FOXP2: variants seen among roughly 807,000 people sequenced by gnomAD.
FOXP2 encodes forkhead box protein P2.
Under a neutral mutation model 115.8 loss-of-function variants are expected in FOXP2, and 12 were observed. The observed-to-expected ratio is 0.10, with a 90% CI of 0.07 to 0.17. FOXP2 has a LOEUF of 0.17. FOXP2 is among the 10% of genes least tolerant of loss of function. FOXP2 has a pLI of 1.00. For synonymous variants in FOXP2, 328 were observed against 297.7 expected (o/e 1.10, Z -1.05); for missense variants, 629 against 843.5 (o/e 0.75, Z 3.15).
chr7:114,691,929 CAAAAAAAAAAAAAGA>C lies in FOXP2; in HGVS notation c.*2016_*2030del. 3 of 250,938 alleles carry C rather than the reference CAAAAAAAAAAAAAGA, an allele frequency of 1.2e-5. No homozygotes were observed. Among genetic ancestry groups the C allele is most frequent in the Non-Finnish European group, 7.2e-6 (1 of 138,916 alleles). 15.5% of individuals were successfully genotyped at this position (250,938 alleles called of 1,614,324 possible). The stretch of plus-strand genomic sequence containing the variant: ...GGCTTTCTGAAAGCTTCTACCTCTG[CAAAAAAAAAAAAAGA>C]AAAAAAAAAAAAGAAAAACATTAGA... On this transcript the variant is annotated 3_prime_UTR_variant, in exon 17 of 17. Coordinates refer to ENST00000350908, the MANE Select transcript of FOXP2 (RefSeq NM_014491.4).
intron 3 of FOXP2, among the ~76,000 whole-genome samples, chr7:114,606,913 C>A (rs990181981): frequency 2.0e-5 from 3 of 152,082 alleles, no homozygotes; most frequent in African/African-American, 7.2e-5. Flanking sequence ...TGTACTGTTG[C>A]CCCATTTTAT....
chr7:114,158,111 GA>G (rs371516727), upstream of FOXP2, among the ~76,000 whole-genome samples: 236 of 152,172 alleles, frequency 1.6e-3, 1 homozygote, highest in African/African-American at 5.1e-3. Context: ...AAAAGAGGAT[GA>G]AAAATTGCAT....
At chr7:114,172,676 T>C (rs940875703) in intron 1 of FOXP2, among the ~76,000 whole-genome samples, 1 of 152,086 alleles carries the variant, frequency 6.6e-6, no homozygotes, top group African/African-American at 2.4e-5. Context: ...TACTTTAAAG[T>C]CTATTAATTA....
At chr7:114,202,364 A>G (rs1794089874) in intron 1 of FOXP2, among the ~76,000 whole-genome samples, 1 of 152,204 alleles carries the variant, frequency 6.6e-6, no homozygotes, top group African/African-American at 2.4e-5. Context: ...CTTATAAGGC[A>G]TGGATTTAAA....
At position 114,371,401 on chromosome 7, in the gene FOXP2, C is replaced by T. The variant is rs1372401522; in HGVS notation, c.-10-55101C>T. Among the ~76,000 whole-genome samples, 3 of 151,936 alleles carry T rather than the reference C, an allele frequency of 2.0e-5. No homozygotes were observed. In the East Asian group the frequency reaches 5.8e-4, roughly 29 times the overall value. On this transcript the variant is annotated intron_variant, in intron 2 of 17. Coordinates refer to the FOXP2 transcript ENST00000634411. ...GCACCTGGCCAACAACTTAATACTTCTGTTTTAAGGTAGATGATACATCTT... is the reference window on the plus strand; with the variant it reads ...GCACCTGGCCAACAACTTAATACTTTTGTTTTAAGGTAGATGATACATCTT...
chr7:114,584,031 C>T (rs998853332), intron 3 of FOXP2, among the ~76,000 whole-genome samples: 2 of 152,046 alleles, frequency 1.3e-5, no homozygotes, highest in Admixed American at 1.3e-4. Flanking sequence ...CAACTCTTTG[C>T]AATAATTTTT....
chr7:114,319,544 G>A (rs1797360955), intron 2 of FOXP2, among the ~76,000 whole-genome samples: 1 of 152,144 alleles, frequency 6.6e-6, no homozygotes, highest in Non-Finnish European at 1.5e-5. Context: ...ATGGCAGCAG[G>A]CAAAGAGAGA....
chr7:114,682,402 T>C (rs1015049624), intron 16 of FOXP2, among the ~76,000 whole-genome samples: 7 of 152,174 alleles, frequency 4.6e-5, no homozygotes, highest in African/African-American at 1.7e-4. Context: ...CTGTAGATAA[T>C]TCTACATGGG....
intron 1 of FOXP2, among the ~76,000 whole-genome samples, chr7:114,274,585 G>GT (rs1376168070): frequency 2.6e-5 from 2 of 77,454 alleles, no homozygotes; most frequent in Non-Finnish European, 5.7e-5. Context: ...TTCTGGATTG[G>GT]TTTTTTCCCT....
intron 1 of FOXP2, among the ~76,000 whole-genome samples, chr7:114,155,496 G>GA (rs879635862): frequency 2.6e-5 from 4 of 152,112 alleles, no homozygotes; most frequent in Non-Finnish European, 5.9e-5. Context: ...AATGGCCCTG[G>GA]AAAGCTGTCT....
At chr7:114,224,846 C>T (rs1794709111) in intron 1 of FOXP2, among the ~76,000 whole-genome samples, 1 of 152,018 alleles carries the variant, frequency 6.6e-6, no homozygotes, top group African/African-American at 2.4e-5. Flanking sequence ...GGAGTATTAC[C>T]AATGTTTTTG....
chr7:114,132,613 G>GAC (rs2129145563), intron 1 of FOXP2, among the ~76,000 whole-genome samples: 1 of 150,336 alleles, frequency 6.7e-6, no homozygotes, highest in African/African-American at 2.4e-5. Flanking sequence ...GAGAGAGAGA[G>GAC]AGATGGGGTG....
At chr7:114,180,073 A>C (rs1302122517) in intron 1 of FOXP2, among the ~76,000 whole-genome samples, 1 of 151,972 alleles carries the variant, frequency 6.6e-6, no homozygotes, top group Admixed American at 6.6e-5. Flanking sequence ...ATGTTGGTCT[A>C]CCTTAGTGGA....
At chr7:114,227,362 T>C (rs1794769324) in intron 1 of FOXP2, among the ~76,000 whole-genome samples, 1 of 152,080 alleles carries the variant, frequency 6.6e-6, no homozygotes, top group South Asian at 2.1e-4. Context: ...GAAAGTTTTA[T>C]GCTTGGAGCA....
At chr7:114,415,709 CT>C (rs1793308405) in intron 1 of FOXP2, among the ~76,000 whole-genome samples, 4 of 151,838 alleles carry the variant, frequency 2.6e-5, no homozygotes, top group Non-Finnish European at 4.4e-5. Flanking sequence ...TGTCATCTTG[CT>C]TTTAGTAAAT....
chr7:114,534,050 A>G (rs923129788), intron 2 of FOXP2, among the ~76,000 whole-genome samples: 11 of 152,014 alleles, frequency 7.2e-5, no homozygotes, highest in African/African-American at 1.2e-4. Flanking sequence ...AATGAAAACC[A>G]CTCAATTTTA....
chr7:114,138,107 A>G lies in FOXP2; in HGVS notation c.-246-24837A>G, dbSNP rs1010213911. Among the ~76,000 whole-genome samples, 4 of 152,182 alleles carry G rather than the reference A, an allele frequency of 2.6e-5. 1 individual carries two copies. The highest frequency in any genetic ancestry group is 1.3e-4 in the Admixed American group (2 of 15,280). On this transcript the variant is annotated intron_variant, in intron 1 of 19. Transcript: ENST00000635638. ...CATATTAAATACATAAATAAATAAGATAGAATAGACAAATTTCCTATACAG... is the reference window on the plus strand; with the variant it reads ...CATATTAAATACATAAATAAATAAGGTAGAATAGACAAATTTCCTATACAG...
chr7:114,114,183 A>G (rs1364162721), intron 1 of FOXP2, among the ~76,000 whole-genome samples: 4 of 151,712 alleles, frequency 2.6e-5, no homozygotes, highest in Non-Finnish European at 5.9e-5. Context: ...GGCATTTAAA[A>G]CAAAATGTAA....
intron 1 of FOXP2, among the ~76,000 whole-genome samples, chr7:114,258,072 G>A (rs1008048400): frequency 2.0e-5 from 3 of 152,150 alleles, no homozygotes; most frequent in African/African-American, 7.2e-5. Flanking sequence ...TCTTGTTTCT[G>A]TTTTAACATA....
Sources: allele counts gnomAD v4.1 joint callset (sites outside exome capture counted in the v4.1 genomes callset), GRCh38; gene constraint gnomAD v4.1.1; transcripts MANE v1.5; gene names NCBI Gene and HGNC (gene_info 2026-07-23, HGNC 2026-07-21).